The following PAFAH2 variants were observed in gnomAD, a reference collection of about 807,000 sequenced individuals.
The protein encoded by PAFAH2 is platelet-activating factor acetylhydrolase 2, cytoplasmic.
A neutral mutation model predicts 49.0 loss-of-function variants in PAFAH2; 42 were observed. That is an observed-to-expected ratio of 0.86 (90% CI 0.67 to 1.11). PAFAH2 has a LOEUF of 1.11. Among genes scored for constraint, PAFAH2 ranks in the 50% least tolerant of loss-of-function variants. The pLI is 0.00. For synonymous variants in PAFAH2, 184 were observed against 181.3 expected (o/e 1.01, Z -0.12); for missense variants, 503 against 501.8 (o/e 1.00, Z -0.02).
At position 25,989,466 on chromosome 1, in the gene PAFAH2, G is replaced by T; in HGVS notation, c.226C>A (p.Leu76Met). The change falls in exon 3 of 11, where the codon CTG (leucine) becomes ATG (methionine). Residue 76 changes from leucine to methionine, a missense_variant. Physicochemically the swap from Leu to Met is conservative, Grantham distance 15 (BLOSUM62 2). Transcript: ENST00000374282. ...CCCTTACCCACCGCCAGGTTGAACA[G>T]CAAGCCCCCGCAGCGCTTATTAAAC... Reference protein sequence around the residue: ...LQFNKRCGGLLFNLAVGSCRL... With the variant: ...LQFNKRCGGLMFNLAVGSCRL... 6.2e-7 allele frequency: 1 copy of T among 1,600,228 alleles called. No individual in the cohort carries two copies. Among genetic ancestry groups the T allele is most frequent in the African/African-American group, 1.3e-5 (1 of 74,470 alleles).
intron 1 of PAFAH2, among the ~76,000 whole-genome samples, 168 bp downstream of exon 1, chr1:25,997,857 G>C (rs1004634454): frequency 6.6e-6 from 1 of 152,172 alleles, no homozygotes; most frequent in African/African-American, 2.4e-5. Context: ...GACCGTGGGA[G>C]GGTCAAGGGA....
At chr1:25,988,069 C>T (rs961288646) in intron 4 of PAFAH2, among the ~76,000 whole-genome samples, 162 bp downstream of exon 4, 2 of 152,098 alleles carry the variant, frequency 1.3e-5, no homozygotes, top group African/African-American at 2.4e-5. Context: ...TGAAAAAGGC[C>T]TTCTGGGGAA....
chr1:25,980,218 T>C (rs986982864), intron 7 of PAFAH2, among the ~76,000 whole-genome samples: 4 of 152,280 alleles, frequency 2.6e-5, no homozygotes, highest in Non-Finnish European at 5.9e-5. Context: ...CTTAGCCTTT[T>C]TGATCCTTAG....
chr1:25,966,079 C>T (rs191035763), intron 10 of PAFAH2, among the ~76,000 whole-genome samples: 2 of 138,348 alleles, frequency 1.4e-5, no homozygotes, highest in Admixed American at 1.6e-4. Context: ...TGAGATACTA[C>T]ACCAGTCAGA....
At chr1:25,974,773 GGTA>G in intron 8 of PAFAH2, 123 bp from the exon 9 acceptor site, 1 of 814,866 alleles carries the variant, frequency 1.2e-6, no homozygotes, top group Non-Finnish European at 1.9e-6. Context: ...CCAGGAGGGG[GGTA>G]CCAGGGCCCA....
intron 9 of PAFAH2, 59 bp downstream of exon 9, chr1:25,974,421 C>A (rs923747418): frequency 2.1e-6 from 3 of 1,416,728 alleles, no homozygotes; most frequent in Non-Finnish European, 2.8e-6. Flanking sequence ...AAGTTAAGGG[C>A]ACCACAGCAA....
intron 4 of PAFAH2, among the ~76,000 whole-genome samples, chr1:25,987,711 C>T (rs1036002042): frequency 6.6e-5 from 6 of 90,600 alleles, no homozygotes; most frequent in Non-Finnish European, 1.6e-4. Flanking sequence ...GAGATCTCGT[C>T]CCTGAAAAAA....
intron 1 of PAFAH2, among the ~76,000 whole-genome samples, chr1:25,992,284 A>C (rs944505801): frequency 6.6e-6 from 1 of 152,180 alleles, no homozygotes; most frequent in African/African-American, 2.4e-5. Flanking sequence ...AAGATGAGGA[A>C]GTTGAGAGGC....
chr1:25,989,586 G>T lies in PAFAH2; in HGVS notation c.106C>A (p.Leu36Ile). The change falls in exon 3 of 11, where the codon CTC becomes ATC. Residue 36 changes from leucine to isoleucine, a missense_variant. By Grantham distance (5) the Leu-to-Ile change is conservative (BLOSUM62 2). Coordinates refer to ENST00000374282, the MANE Select transcript of PAFAH2 (RefSeq NM_000437.4). ...TCTGCCTTTTGGCAGGGGTAGAAGAGTCGAAAGAAGCTCCCCTGTAGGAAA... is the reference window on the plus strand; with the variant it reads ...TCTGCCTTTTGGCAGGGGTAGAAGATTCGAAAGAAGCTCCCCTGTAGGAAA... ...GQNLQGSFFR[L>I]FYPCQKAEET... 1 of 1,586,278 alleles carries T rather than the reference G, an allele frequency of 6.3e-7. No homozygotes were observed. The highest frequency in any genetic ancestry group is 8.6e-7 in the Non-Finnish European group (1 of 1,167,232).
chr1:25,974,704 T>C, intron 8 of PAFAH2, 54 bp from the exon 9 acceptor site: 2 of 1,549,830 alleles, frequency 1.3e-6, no homozygotes, highest in Non-Finnish European at 1.8e-6. Context: ...GCAAGAATAG[T>C]TAGGGTGGTG....
chr1:25,983,730 T>A (rs891990020), intron 6 of PAFAH2, among the ~76,000 whole-genome samples: 1 of 152,156 alleles, frequency 6.6e-6, no homozygotes, highest in African/African-American at 2.4e-5. Context: ...TATGAGCCCA[T>A]CATTCCCTTT....
chr1:25,975,755 T>C (rs930292606), intron 8 of PAFAH2, among the ~76,000 whole-genome samples: 1 of 152,246 alleles, frequency 6.6e-6, no homozygotes, highest in Non-Finnish European at 1.5e-5. Flanking sequence ...ATCTCTCTAA[T>C]GAGCCTCTAG....
chr1:25,970,442 C>A (rs1299600251), intron 10 of PAFAH2, among the ~76,000 whole-genome samples: 1 of 152,226 alleles, frequency 6.6e-6, no homozygotes, highest in African/African-American at 2.4e-5. Context: ...CACACCACTG[C>A]ACTCCAGCCT....
At chr1:25,972,072 G>A (rs1193796533) in intron 10 of PAFAH2, among the ~76,000 whole-genome samples, 50 of 152,036 alleles carry the variant, frequency 3.3e-4, no homozygotes, top group Admixed American at 3.3e-3. Context: ...CAAACTTTCA[G>A]TTAAGTATTT....
intron 4 of PAFAH2, among the ~76,000 whole-genome samples, chr1:25,985,702 C>G (rs2049772139): frequency 6.6e-6 from 1 of 152,232 alleles, no homozygotes; most frequent in African/African-American, 2.4e-5. Flanking sequence ...CGGCACACAG[C>G]AGGTACTCAA....
chr1:25,968,610 G>A (rs552364883), intron 10 of PAFAH2, among the ~76,000 whole-genome samples: 2 of 152,254 alleles, frequency 1.3e-5, no homozygotes, highest in Non-Finnish European at 2.9e-5. Flanking sequence ...TTTTTTCAGA[G>A]TGAGAGGTTC....
At chr1:25,991,270 C>G (rs147997330) in intron 1 of PAFAH2, among the ~76,000 whole-genome samples, 1,719 of 152,160 alleles carry the variant, frequency 0.011, 18 homozygotes, top group South Asian at 0.022. Flanking sequence ...ATTGTCTCAA[C>G]CACTCTCTGA....
intron 7 of PAFAH2, among the ~76,000 whole-genome samples, chr1:25,982,008 G>A (rs1308571505): frequency 2.6e-5 from 4 of 150,970 alleles, no homozygotes; most frequent in African/African-American, 7.3e-5. Flanking sequence ...GGACAAGAGC[G>A]AGACTTTGTC....
At chr1:25,972,205 C>T (rs1351869455) in intron 10 of PAFAH2, among the ~76,000 whole-genome samples, 8 of 152,096 alleles carry the variant, frequency 5.3e-5, no homozygotes, top group African/African-American at 1.4e-4. Context: ...AACTGATCCT[C>T]CCACCGTAGC....
Sources: allele counts gnomAD v4.1 joint callset (sites outside exome capture counted in the v4.1 genomes callset), GRCh38; gene constraint gnomAD v4.1.1; transcripts MANE v1.5; gene names NCBI Gene and HGNC (gene_info 2026-07-23, HGNC 2026-07-21).